The following BICC1 variants were observed in gnomAD, a reference collection of about 807,000 sequenced individuals.
BICC1 encodes BicC family RNA binding protein 1.
BICC1 carries 43 observed loss-of-function variants against 111.0 expected under a neutral mutation model. The observed-to-expected ratio is 0.39, with a 90% CI of 0.30 to 0.50. The LOEUF (loss-of-function observed/expected upper bound fraction) is 0.50, where lower values mean the gene tolerates loss of function less well. Among genes scored for constraint, BICC1 ranks in the 20% least tolerant of loss-of-function variants. The pLI is 0.88. For synonymous variants in BICC1, 467 were observed against 434.4 expected, an observed-to-expected ratio of 1.07 and a Z score of -0.93; for missense variants, 1,091 against 1,203.2, an observed-to-expected ratio of 0.91 and a Z score of 1.38.
At chr10:58,692,850 ATTTTT>A (rs57748644) in intron 2 of BICC1, among the ~76,000 whole-genome samples, 1 of 141,470 alleles carries the variant, frequency 7.1e-6, no homozygotes, top group Non-Finnish European at 1.6e-5. Flanking sequence ...TTTTTTTTTG[ATTTTT>A]TTTTTAAATT....
At chr10:58,657,535 A>T (rs1588981975) in intron 2 of BICC1, among the ~76,000 whole-genome samples, 1 of 152,168 alleles carries the variant, frequency 6.6e-6, no homozygotes, top group Non-Finnish European at 1.5e-5. Flanking sequence ...GGAGCCACTC[A>T]AGTTACCTTA....
chr10:58,799,893 G>A (rs1392921327), intron 12 of BICC1, among the ~76,000 whole-genome samples: 1 of 152,046 alleles, frequency 6.6e-6, no homozygotes, highest in African/African-American at 2.4e-5. Flanking sequence ...GAAAAATTAT[G>A]TTTGTAGTGT....
At chr10:58,764,826 G>A (rs1842414201) in intron 3 of BICC1, among the ~76,000 whole-genome samples, 1 of 152,068 alleles carries the variant, frequency 6.6e-6, no homozygotes, top group African/African-American at 2.4e-5. Context: ...ACCTGGATAA[G>A]TTCATCAGCA....
At chr10:58,801,523 A>G (rs1843546949) in intron 14 of BICC1, among the ~76,000 whole-genome samples, 1 of 152,124 alleles carries the variant, frequency 6.6e-6, no homozygotes. Flanking sequence ...GGTTATAAAT[A>G]CATAAGTTGT....
intron 2 of BICC1, among the ~76,000 whole-genome samples, chr10:58,677,728 C>A (rs1001347389): frequency 2.6e-5 from 4 of 152,012 alleles, no homozygotes; most frequent in Non-Finnish European, 5.9e-5. Context: ...AGAAGAGCAA[C>A]CCCAAGACAC....
At chr10:58,766,464 T>C (rs1842458620) in intron 3 of BICC1, among the ~76,000 whole-genome samples, 4 of 152,190 alleles carry the variant, frequency 2.6e-5, no homozygotes, top group Admixed American at 2.6e-4. Context: ...TTTAGTGATA[T>C]AAATAATAGT....
intron 3 of BICC1, among the ~76,000 whole-genome samples, chr10:58,719,455 C>T (rs544488681): frequency 6.6e-6 from 1 of 152,276 alleles, no homozygotes; most frequent in East Asian, 1.9e-4. Context: ...TGGAGCCTAA[C>T]ACTCTCTTTC....
At chr10:58,613,633 G>A (rs1845506799) in intron 1 of BICC1, among the ~76,000 whole-genome samples, 1 of 152,152 alleles carries the variant, frequency 6.6e-6, no homozygotes, top group African/African-American at 2.4e-5. Context: ...AACGGTAGCT[G>A]TCCAGCTCCA....
At chr10:58,737,072 TATC>T (rs1056618287) in intron 3 of BICC1, among the ~76,000 whole-genome samples, 38 of 152,128 alleles carry the variant, frequency 2.5e-4, no homozygotes, top group Non-Finnish European at 1.9e-4. Flanking sequence ...AGTCATTTAA[TATC>T]ATCTTTATTT....
chr10:58,756,648 T>C (rs899173786), intron 3 of BICC1, among the ~76,000 whole-genome samples: 2 of 38,368 alleles, frequency 5.2e-5, no homozygotes, highest in African/African-American at 2.2e-4. Flanking sequence ...TTTTTTTTTT[T>C]TTTTTTTTTT....
intron 2 of BICC1, among the ~76,000 whole-genome samples, chr10:58,623,892 G>A (rs1321567202): frequency 6.6e-6 from 1 of 152,026 alleles, no homozygotes; most frequent in Non-Finnish European, 1.5e-5. Flanking sequence ...GGAGGGAGGG[G>A]CTGGGACATT....
intron 2 of BICC1, among the ~76,000 whole-genome samples, chr10:58,674,502 T>A (rs1298559244): frequency 6.6e-6 from 1 of 152,232 alleles, no homozygotes; most frequent in East Asian, 1.9e-4. Context: ...TTCTGCCCAT[T>A]CATTCCTCAC....
intron 1 of BICC1, among the ~76,000 whole-genome samples, chr10:58,539,931 T>C (rs1365092837): frequency 2.6e-5 from 4 of 152,080 alleles, no homozygotes; most frequent in South Asian, 2.1e-4. Flanking sequence ...AAGTATCTTT[T>C]TAGACCATAT....
chr10:58,619,820 TTGCTC>T (rs931607545), intron 1 of BICC1, among the ~76,000 whole-genome samples: 68 of 152,332 alleles, frequency 4.5e-4, no homozygotes, highest in African/African-American at 1.6e-3. Context: ...TCTTAAGTGA[TTGCTC>T]TGCCACATTT....
At chr10:58,583,584 CTGTGTGTGTGTGTGTGTG>C (rs3076149) in intron 1 of BICC1, among the ~76,000 whole-genome samples, 4 of 139,344 alleles carry the variant, frequency 2.9e-5, no homozygotes, top group South Asian at 2.5e-4. Context: ...TTCTCTCTCT[CTGTGTGTGTGTGTGTGTG>C]TGTGTGTGTG....
rs371372970 is a variant in BICC1, at chr10:58,808,430, T to C, written c.2376+1272T>C. ...GACGGAGTGAAGTGTGCCAGATTGT[T>C]GACTGTGTTCCTATAGTTTCAAAGA... On this transcript the variant is annotated intron_variant, in intron 17 of 20. Coordinates refer to ENST00000373886, the MANE Select transcript of BICC1 (RefSeq NM_001080512.3). Among the ~76,000 whole-genome samples the C allele has an allele frequency of 8.5e-5, 13 of 152,196 alleles. No individual in the cohort carries two copies. In the East Asian group the frequency reaches 1.7e-3, roughly 20 times the overall value.
rs991216568 is a variant in BICC1 at position 58,715,859 on chromosome 10, A to G, written c.307+13716A>G. ...AAGAAAAAAGAAAAGAAGAAATCTGATAGGTATTCATCTTCTTCATCAAGC... is the reference window on the plus strand; with the variant it reads ...AAGAAAAAAGAAAAGAAGAAATCTGGTAGGTATTCATCTTCTTCATCAAGC... On this transcript the variant is annotated intron_variant, in intron 3 of 20. Transcript: ENST00000373886. 48 of 1,208,658 alleles carry G rather than the reference A, an allele frequency of 4.0e-5. No homozygotes were observed. The African/African-American group carries it at 6.3e-4, about 16-fold the overall frequency. The allele number at this position is 1,208,658 out of a possible 1,614,324, so 74.9% of individuals were successfully genotyped here.
intron 3 of BICC1, among the ~76,000 whole-genome samples, chr10:58,781,371 A>C (rs1842880836): frequency 6.6e-6 from 1 of 152,192 alleles, no homozygotes. Flanking sequence ...CAGCTTATTG[A>C]GTATCTACCA....
intron 2 of BICC1, among the ~76,000 whole-genome samples, chr10:58,656,288 C>G (rs1838645845): frequency 6.6e-6 from 1 of 151,152 alleles, no homozygotes; most frequent in Admixed American, 6.6e-5. Context: ...GAACTGGTAC[C>G]ATTCCTTCTG....
Sources: gnomAD v4.1 joint callset for allele counts (sites outside exome capture counted in the v4.1 genomes callset) on GRCh38, gnomAD v4.1.1 for gene constraint, MANE v1.5 for transcripts, NCBI Gene and HGNC (gene_info 2026-07-23, HGNC 2026-07-21) for gene names.